Variants in GON4L observed in about 807,000 individuals in gnomAD.
GON4L encodes gon-4 like, also known as GON-4-like protein.
A neutral mutation model predicts 211.8 loss-of-function variants in GON4L; 87 were observed. The ratio of observed to expected loss-of-function variants is 0.41; its 90% CI spans 0.35 to 0.49. The LOEUF (loss-of-function observed/expected upper bound fraction) is 0.49, where lower values mean the gene tolerates loss of function less well. GON4L is among the 20% of genes least tolerant of loss of function. The pLI, the probability that GON4L is intolerant of heterozygous loss-of-function variation, is 0.15. For synonymous variants in GON4L, 875 were observed against 962.6 expected (o/e 0.91, Z 1.68); for missense variants, 2,155 against 2,659.5 (o/e 0.81, Z 4.17).
downstream of GON4L, chr1:155,748,228 C>T (rs1388563170): frequency 5.8e-5 from 78 of 1,349,594 alleles, no homozygotes; most frequent in Non-Finnish European, 1.0e-6. Context: ...GAGGCCCGAG[C>T]TTGAACTCAG....
In GON4L at chr1:155,751,993, C is replaced by T. The variant is rs762522466; in HGVS notation, c.6440G>A (p.Ser2147Asn). ...ATVCANNSKV[S>N]STGEKVVLWT... is the part of the protein sequence containing the mutation. ...CAGGACAACCTTTTCCCCAGTGGAG[C>T]TGACCTTGCTGTTGTTGGCACACAC... Residue 2147 changes from serine to asparagine, a missense_variant, in exon 30 of 32, where the codon AGC (serine) becomes AAC (asparagine). Ser to Asn is a conservative substitution (Grantham distance 46). This residue lies in a region of GON4L where 186 missense variants were observed against 308.1 expected (regional missense o/e 0.60). Transcript: ENST00000368331. 8 of 1,612,680 alleles carry T rather than the reference C, an allele frequency of 5.0e-6. No homozygotes were observed. The South Asian group carries it at 8.8e-5, about 18-fold the overall frequency.
At position 155,765,561 on chromosome 1, in the gene GON4L, C is replaced by G; in HGVS notation, c.3912G>C (p.Pro1304=). ...GAGACTCCTGGATGCCCTGAGGGAG[C>G]GGCTCCAGAGCTTGCCTCCCCTCCT... is the stretch of plus-strand genomic sequence containing the variant. ...KTEEGRQALE[P]LPQGIQESLN... The change falls in exon 21 of 32, where the codon CCG becomes CCC. Residue 1304 remains proline, a synonymous_variant. Transcript: ENST00000368331. 6.2e-7 allele frequency: 1 copy of G among 1,614,134 alleles called. No individual in the cohort carries two copies. Among genetic ancestry groups the G allele is most frequent in the Non-Finnish European group, 8.5e-7 (1 of 1,180,024 alleles).
intron 12 of GON4L, 24 bp from the exon 13 acceptor site, chr1:155,785,398 T>G (rs752752204): frequency 1.3e-6 from 2 of 1,543,754 alleles, no homozygotes; most frequent in African/African-American, 2.7e-5. Context: ...AGACAGTATA[T>G]TGTTGGTATA....
At chr1:155,747,743 G>T, downstream of GON4L, 2 of 1,613,828 alleles carry the variant, frequency 1.2e-6, no homozygotes, top group Non-Finnish European at 1.7e-6. Context: ...ACTATCTTTC[G>T]TCACTCACCC....
In GON4L at chr1:155,835,014, T is replaced by C. The variant is rs577431429; in HGVS notation, c.506-7986A>G. 4.1e-4 allele frequency among the ~76,000 whole-genome samples: 63 copies of C among 152,096 alleles called. 1 individual carries two copies. The South Asian group carries it at 0.012, about 30-fold the overall frequency. On this transcript the variant is annotated intron_variant, in intron 2 of 31. Transcript: ENST00000368331. ...CATTGAGAACGGGCCATGATGACAA[T>C]GGCGGTTTTGTGTAATACAAAGGGG...
chr1:155,808,358 T>C (rs1667358611), intron 10 of GON4L, among the ~76,000 whole-genome samples: 1 of 151,730 alleles, frequency 6.6e-6, no homozygotes, highest in South Asian at 2.1e-4. Flanking sequence ...ATGTTTAAAA[T>C]AAAATCTACA....
Position 155,749,966 on chromosome 1 carries a change from G to A in GON4L, c.*618C>T, listed in dbSNP as rs529928983. ...TGTTTGGGGCACTGTGTTCCTCTTC[G>A]TCCCTGCACCAGACCCTGGAAGCCT... is the stretch of plus-strand genomic sequence containing the variant. On this transcript the variant is annotated 3_prime_UTR_variant, in exon 32 of 32. Transcript: ENST00000368331. 62 of 1,459,978 alleles carry A rather than the reference G, an allele frequency of 4.2e-5. No homozygotes were observed. Among genetic ancestry groups the A allele is most frequent in the Non-Finnish European group, 5.4e-5 (59 of 1,092,260 alleles). The allele number at this position is 1,459,978 out of a possible 1,614,324, so 90.4% of individuals were successfully genotyped here. A position where few individuals can be genotyped will look rare whatever the true frequency, so the allele number is the denominator to read the frequency against.
chr1:155,771,026 A>G, intron 19 of GON4L, 41 bp downstream of exon 19: 2 of 1,613,622 alleles, frequency 1.2e-6, no homozygotes, highest in Non-Finnish European at 1.7e-6. Context: ...ATGGGTACAT[A>G]TTGGTGAGGT....
At chr1:155,834,893 G>T (rs1670149813) in intron 2 of GON4L, among the ~76,000 whole-genome samples, 1 of 146,776 alleles carries the variant, frequency 6.8e-6, no homozygotes. Context: ...GCCCCGTCCG[G>T]GAGGTGAGGG....
Position 155,855,450 on chromosome 1 carries a change from G to A in GON4L, c.-26-1644C>T, listed in dbSNP as rs1672184180. Among the ~76,000 whole-genome samples, 8 of 152,060 alleles carry A rather than the reference G, an allele frequency of 5.3e-5. No individual in the cohort carries two copies. In the South Asian group the frequency reaches 1.7e-3, roughly 32 times the overall value. On this transcript the variant is annotated intron_variant, in intron 1 of 31. Coordinates refer to ENST00000368331, the MANE Select transcript of GON4L (RefSeq NM_001282860.2). Reference sequence around the variant, plus strand: ...TAGTTCGCTGCAGCCTCGACCTCCTGGGCTCAAGCAATGCTCCCACCTCAG... The same window carrying A: ...TAGTTCGCTGCAGCCTCGACCTCCTAGGCTCAAGCAATGCTCCCACCTCAG...
At chr1:155,842,523 C>CAAAAAA (rs71591917) in intron 2 of GON4L, among the ~76,000 whole-genome samples, 2 of 25,984 alleles carry the variant, frequency 7.7e-5, no homozygotes, top group African/African-American at 1.6e-4. Context: ...GACTCCATCT[C>CAAAAAA]AAAAAAAAAA....
chr1:155,748,378 C>T (rs1319198060), downstream of GON4L: 3 of 1,596,354 alleles, frequency 1.9e-6, no homozygotes, highest in African/African-American at 4.0e-5. Flanking sequence ...GGCCAAGTGC[C>T]CCTCTTGGTG....
intron 12 of GON4L, among the ~76,000 whole-genome samples, chr1:155,788,242 C>A (rs999820162): frequency 1.5e-4 from 23 of 150,814 alleles, no homozygotes; most frequent in African/African-American, 5.6e-4. Flanking sequence ...ATCTGCCTGC[C>A]TCAGTATCCC....
At chr1:155,796,189 C>A (rs1666050414) in intron 11 of GON4L, among the ~76,000 whole-genome samples, 1 of 151,518 alleles carries the variant, frequency 6.6e-6, no homozygotes, top group Non-Finnish European at 1.5e-5. Context: ...CAATAAGAAT[C>A]ATAAATAACT....
intron 2 of GON4L, among the ~76,000 whole-genome samples, chr1:155,849,364 G>T (rs1445756666): frequency 6.6e-6 from 1 of 151,696 alleles, no homozygotes; most frequent in South Asian, 2.1e-4. Context: ...CTAACATGGT[G>T]AAACCCTGCC....
At chr1:155,816,422 T>C (rs1257787647) in intron 6 of GON4L, among the ~76,000 whole-genome samples, 160 bp from the exon 7 acceptor site, 1 of 152,174 alleles carries the variant, frequency 6.6e-6, no homozygotes, top group East Asian at 1.9e-4. Flanking sequence ...CAATTATTTG[T>C]CAGAGTTAGA....
chr1:155,811,831 G>A (rs1306226346), intron 10 of GON4L, among the ~76,000 whole-genome samples: 1 of 148,770 alleles, frequency 6.7e-6, no homozygotes, highest in African/African-American at 2.5e-5. Flanking sequence ...TTGGGAGGCT[G>A]AGGCGGGTCA....
chr1:155,840,261 C>A (rs1321778891), intron 2 of GON4L, among the ~76,000 whole-genome samples: 1 of 152,158 alleles, frequency 6.6e-6, no homozygotes, highest in African/African-American at 2.4e-5. Context: ...TTCTCTTCAT[C>A]AAATTTAACT....
chr1:155,794,494 A>T (rs1053538961), intron 12 of GON4L, among the ~76,000 whole-genome samples: 1 of 152,056 alleles, frequency 6.6e-6, no homozygotes, highest in Non-Finnish European at 1.5e-5. Flanking sequence ...TTCCAAACAT[A>T]CTTTTTTGAT....
Sources: gnomAD v4.1 joint callset for allele counts (sites outside exome capture counted in the v4.1 genomes callset) on GRCh38, gnomAD v4.1.1 for gene constraint, gnomAD v4.1.1 regional missense constraint, MANE v1.5 for transcripts, NCBI Gene and HGNC (gene_info 2026-07-23, HGNC 2026-07-21) for gene names.